The following AGAP2 variants were observed in gnomAD, a reference collection of about 807,000 sequenced individuals.
AGAP2 encodes arf-GAP with GTPase, ANK repeat and PH domain-containing protein 2.
In AGAP2, 32 loss-of-function variants were observed where a neutral mutation model predicts 110.9. The ratio of observed to expected loss-of-function variants is 0.29; its 90% CI spans 0.22 to 0.39. AGAP2 has a LOEUF of 0.39. Among genes scored for constraint, AGAP2 ranks in the 10% least tolerant of loss-of-function variants. The pLI is 1.00. For synonymous variants in AGAP2, 702 were observed against 713.0 expected (o/e 0.98, Z 0.25); for missense variants, 1,285 against 1,638.5 (o/e 0.78, Z 3.72).
intron 1 of AGAP2, 131 bp from the exon 2 acceptor site, chr12:57,735,558 A>C: frequency 1.2e-6 from 1 of 819,172 alleles, no homozygotes; most frequent in Non-Finnish European, 2.0e-6. Context: ...AGGTGTGTGC[A>C]ACAGACAGGT....
At chr12:57,738,847 C>A (rs1203851987), upstream of AGAP2, among the ~76,000 whole-genome samples, 3 of 151,690 alleles carry the variant, frequency 2.0e-5, no homozygotes, top group South Asian at 4.2e-4. This position sits in a 1 kb window ranked among gnomAD's most constrained non-coding sequence, Gnocchi z 6.7. Flanking sequence ...TGGGTGGGAA[C>A]CCACGGGTCT....
chr12:57,731,863 C>T lies in AGAP2; in HGVS notation c.1899G>A (p.Leu633=), dbSNP rs150423543. ...LRAEAAAVAG[L]STPGSLHRAA... is the part of the protein sequence containing the mutation. ...CCCGGTGCAGGGACCCTGGGGTGCT[C>T]AATCCAGCCACTGCAGCTGCCTCGG... Residue 633 remains leucine, a synonymous_variant, in exon 8 of 19, where the codon TTG becomes TTA. Coordinates refer to ENST00000547588, the MANE Select transcript of AGAP2 (RefSeq NM_001122772.3). 4.4e-6 allele frequency: 7 copies of T among 1,605,804 alleles called. No homozygotes were observed. In the African/African-American group the frequency reaches 5.3e-5, roughly 12 times the overall value.
rs867532620 is a variant in AGAP2 at position 57,725,337 on chromosome 12, G to C, written c.*1215C>G. 1 of 119,128 alleles carries C rather than the reference G, an allele frequency of 8.4e-6. No individual in the cohort carries two copies. Among genetic ancestry groups the C allele is most frequent in the Non-Finnish European group, 1.7e-5 (1 of 59,156 alleles). 7.4% of individuals were successfully genotyped at this position (119,128 alleles called of 1,614,324 possible). ...GGTCCTTTGCAAACTATTTTAGCCAGAAAAAAAAAAAAAAAAAAAGACCGG... is the reference window on the plus strand; with the variant it reads ...GGTCCTTTGCAAACTATTTTAGCCACAAAAAAAAAAAAAAAAAAAGACCGG... On this transcript the variant is annotated 3_prime_UTR_variant, in exon 19 of 19. Coordinates refer to ENST00000547588, the MANE Select transcript of AGAP2 (RefSeq NM_001122772.3).
At chr12:57,734,199 G>C (rs1323861561) in intron 4 of AGAP2, 26 bp from the exon 5 acceptor site, 1 of 1,603,896 alleles carries the variant, frequency 6.2e-7, no homozygotes, top group African/African-American at 1.3e-5. Flanking sequence ...GGAGCAAATG[G>C]AAAGTCAGAC....
chr12:57,739,322 C>T (rs1011622697), upstream of AGAP2, among the ~76,000 whole-genome samples: 5 of 152,118 alleles, frequency 3.3e-5, no homozygotes, highest in Non-Finnish European at 1.5e-5. Flanking sequence ...TCTCTTGTCT[C>T]CCCCAGGTAC....
At position 57,732,471 on chromosome 12, in the gene AGAP2, G is replaced by A. The variant is rs780984230; in HGVS notation, c.1726C>T (p.Leu576=). ...VVTLRKQQQL[L]AACKSLPSSP... ...CTGGGCAGGGACTTGCAGGCAGCCA[G>A]AAGCTGTTGCTGCTTGCGCAAGGTC... The change falls in exon 7 of 19, where the codon CTG becomes TTG. Residue 576 remains leucine, a synonymous_variant. Transcript: ENST00000547588. The A allele has an allele frequency of 2.5e-6, 4 of 1,596,436 alleles. No homozygotes were observed. In the African/African-American group the frequency reaches 5.4e-5, roughly 21 times the overall value.
At chr12:57,727,614 C>A (rs746631831) in intron 16 of AGAP2, 32 bp from the exon 17 acceptor site, 1 of 1,591,574 alleles carries the variant, frequency 6.3e-7, no homozygotes, top group Non-Finnish European at 8.5e-7. Context: ...CGGCTCCCAG[C>A]CGGGCAGCAC....
rs1459728088 is a variant in AGAP2, at chr12:57,727,178, C to T, written c.3132G>A (p.Leu1044=). The change falls in exon 18 of 19, where the codon CTG becomes CTA. Residue 1044 remains leucine (L), a synonymous_variant. Transcript: ENST00000547588. ...IRAKYEQLLF[L]APLSTSEEPL... is the part of the protein sequence containing the mutation. Reference sequence around the variant, plus strand: ...GCTCCTCCGAGGTGCTCAGCGGCGCCAGGAACAGTAGCTGCTCGTACTTGG... The same window carrying T: ...GCTCCTCCGAGGTGCTCAGCGGCGCTAGGAACAGTAGCTGCTCGTACTTGG... 1.2e-6 allele frequency: 2 copies of T among 1,610,520 alleles called. No individual in the cohort carries two copies. Among genetic ancestry groups the T allele is most frequent in the East Asian group, 2.2e-5 (1 of 44,764 alleles).
intron 2 of AGAP2, 42 bp from the exon 3 acceptor site, chr12:57,734,721 G>T (rs370799310): frequency 1.0e-5 from 16 of 1,590,934 alleles, no homozygotes; most frequent in Non-Finnish European, 1.3e-5. Flanking sequence ...GGATATAAGA[G>T]AAGGCAGGAT....
At chr12:57,739,594 C>T (rs956411433), upstream of AGAP2, 1 of 152,280 alleles carries the variant, frequency 6.6e-6, no homozygotes, top group African/African-American at 2.4e-5. Context: ...CTGATACCCC[C>T]CCATGCCAAA....
intron 1 of AGAP2, 123 bp downstream of exon 1, chr12:57,736,956 G>T: frequency 7.0e-7 from 1 of 1,433,238 alleles, no homozygotes; most frequent in Non-Finnish European, 9.1e-7. Context: ...AGAGGGGTGA[G>T]CTTGGTTCAT....
At chr12:57,723,834 A>G (rs1954724756), downstream of AGAP2, 1 of 152,218 alleles carries the variant, frequency 6.6e-6, no homozygotes, top group South Asian at 2.1e-4. Context: ...AATGAAAGGA[A>G]CTTCCCACTT....
upstream of AGAP2, among the ~76,000 whole-genome samples, chr12:57,741,621 T>C (rs893841137): frequency 6.6e-6 from 1 of 152,150 alleles, no homozygotes; most frequent in Non-Finnish European, 1.5e-5. Flanking sequence ...AAGTCTACCA[T>C]GAGTCTGTCA....
At position 57,734,347 on chromosome 12, in the gene AGAP2, C is replaced by A; in HGVS notation, c.1373G>T (p.Arg458Leu). ...VDGQTHLVLI[R>L]EEAGAPDAKF... ...GGCATCAGGTGCCCCAGCTTCCTCT[C>A]GGATTAGCACCAGATGTGTCTGTCC... Residue 458 changes from arginine to leucine, a missense_variant, in exon 4 of 19, where the codon CGA (arginine) becomes CTA (leucine). Physicochemically the swap from Arg to Leu is moderately radical, Grantham distance 102. Around this residue, in one of 7 missense-constraint regions of AGAP2, gnomAD observed 844 missense variants for 941.2 expected, o/e 0.90. Transcript: ENST00000547588. 11 of 1,614,238 alleles carry A rather than the reference C, an allele frequency of 6.8e-6. No individual in the cohort carries two copies. The highest frequency in any genetic ancestry group is 9.3e-6 in the Non-Finnish European group (11 of 1,180,042).
At chr12:57,724,714 G>A (rs1442305034), downstream of AGAP2, 2 of 152,320 alleles carry the variant, frequency 1.3e-5, no homozygotes, top group Non-Finnish European at 2.9e-5. Flanking sequence ...GGCTGGCTCG[G>A]GGCAGCCCTC....
chr12:57,731,843 T>C lies in AGAP2; in HGVS notation c.1919A>G (p.His640Arg), dbSNP rs1377777474. The change falls in exon 8 of 19, where the codon CAC becomes CGC. Residue 640 changes from histidine to arginine, a missense_variant. Around this residue, in one of 7 missense-constraint regions of AGAP2, gnomAD observed 844 missense variants for 941.2 expected, o/e 0.90. Transcript: ENST00000547588. ...VAGLSTPGSL[H>R]RAAKRRTSLF... ...GCTGGTCCTGCGCTTGGCTGCCCGG[T>C]GCAGGGACCCTGGGGTGCTCAATCC... The C allele has an allele frequency of 6.9e-6, 11 of 1,597,026 alleles. No individual in the cohort carries two copies. In the African/African-American group the frequency reaches 1.3e-4, roughly 19 times the overall value.
In AGAP2 at chr12:57,725,871, C is replaced by T. The variant is rs1424441296; in HGVS notation, c.*681G>A. On this transcript the variant is annotated 3_prime_UTR_variant, in exon 19 of 19. Transcript: ENST00000547588. The stretch of plus-strand genomic sequence containing the variant: ...CCTCCCAAGATAGTAGTGGGAGGGA[C>T]CCAGGCTCTTGGTTCCCCCCGGACT... 1 of 151,924 alleles carries T rather than the reference C, an allele frequency of 6.6e-6. No homozygotes were observed. Among genetic ancestry groups the T allele is most frequent in the Non-Finnish European group, 1.5e-5 (1 of 68,002 alleles). 9.4% of individuals were successfully genotyped at this position (151,924 alleles called of 1,614,324 possible).
Position 57,737,529 on chromosome 12 carries a change from C to T in AGAP2, c.718G>A (p.Ala240Thr), listed in dbSNP as rs561812307. 6.4e-6 allele frequency: 10 copies of T among 1,560,864 alleles called. No individual in the cohort carries two copies. Among genetic ancestry groups the T allele is most frequent in the Admixed American group, 3.9e-5 (2 of 51,696 alleles). ...TGASVSAAAT[A>T]AAAGGGGSTA... ...GAGCCCCCTCCCCCGGCGGCGGCGG[C>T]GGTGGCGGCGGCAGAGACCGAAGCT... Residue 240 changes from alanine to threonine, a missense_variant, in exon 1 of 19, where the codon GCC becomes ACC. By Grantham distance (58) the Ala-to-Thr change is moderately conservative (BLOSUM62 0). Around this residue, in one of 7 missense-constraint regions of AGAP2, gnomAD observed 844 missense variants for 941.2 expected, o/e 0.90. Coordinates refer to ENST00000547588, the MANE Select transcript of AGAP2 (RefSeq NM_001122772.3). The surrounding 1 kb of genome is among the most constrained non-coding windows in gnomAD (Gnocchi z 5.9).
chr12:57,739,865 T>G (rs1955056109), upstream of AGAP2: 1 of 152,272 alleles, frequency 6.6e-6, no homozygotes, highest in African/African-American at 2.4e-5. Context: ...TGGGATTCTT[T>G]CAGAAGATTA....
Sources: gnomAD v4.1 joint callset for allele counts (sites outside exome capture counted in the v4.1 genomes callset) on GRCh38, gnomAD v4.1.1 for gene constraint, gnomAD v4.1.1 regional missense constraint, Gnocchi (gnomAD v3.1) non-coding constraint, MANE v1.5 for transcripts, NCBI Gene and HGNC (gene_info 2026-07-23, HGNC 2026-07-21) for gene names.